BICRAL: variants seen among roughly 807,000 people sequenced by gnomAD.
BICRAL encodes BRD4-interacting chromatin-remodeling complex-associated protein-like.
A neutral mutation model predicts 91.8 loss-of-function variants in BICRAL; 8 were observed. That is an observed-to-expected ratio of 0.09 (90% confidence interval 0.05 to 0.16). The LOEUF is 0.16. Ranked by LOEUF, BICRAL falls within the 10% of genes least tolerant of loss-of-function variation. The pLI is 1.00. For synonymous variants in BICRAL, 445 were observed against 491.1 expected (o/e 0.91, Z 1.24); for missense variants, 1,038 against 1,310.9 (o/e 0.79, Z 3.21).
chr6:42,798,567 G>A (rs981759413), intron 1 of BICRAL, among the ~76,000 whole-genome samples: 1 of 152,058 alleles, frequency 6.6e-6, no homozygotes, highest in Non-Finnish European at 1.5e-5. Context: ...GTGGTGGCAG[G>A]CACCAGTAGT....
chr6:42,841,642 C>T (rs1324268157), intron 6 of BICRAL, among the ~76,000 whole-genome samples: 1 of 152,094 alleles, frequency 6.6e-6, no homozygotes, highest in African/African-American at 2.4e-5. Flanking sequence ...TCTTCTTCTC[C>T]TTCTATGCCT....
Position 42,865,102 on chromosome 6 carries a change from A to G in BICRAL, c.2896A>G (p.Met966Val). The change falls in exon 13 of 13, where the codon ATG (methionine) becomes GTG (valine). Residue 966 changes from methionine (M) to valine (V), a missense_variant. Met to Val is a conservative substitution (Grantham distance 21). Around this residue, in one of 5 missense-constraint regions of BICRAL, gnomAD observed 92 missense variants for 147.8 expected, o/e 0.62. Transcript: ENST00000314073. The part of the protein sequence containing the change: ...SSILADSHLE[M>V]TCNNSFQDKS... ...CATCCTAGCAGATTCGCACTTGGAG[A>G]TGACGTGTAACAATTCCTTCCAGGA... is the stretch of plus-strand genomic sequence containing the variant. The G allele has an allele frequency of 6.2e-7, 1 of 1,614,138 alleles. No homozygotes were observed. Among genetic ancestry groups the G allele is most frequent in the Non-Finnish European group, 8.5e-7 (1 of 1,179,996 alleles).
At chr6:42,847,017 A>G (rs371674838) in intron 6 of BICRAL, among the ~76,000 whole-genome samples, 1 of 152,182 alleles carries the variant, frequency 6.6e-6, no homozygotes, top group Non-Finnish European at 1.5e-5. Context: ...TAATCTCCGC[A>G]CTTAGAGGGG....
Position 42,828,857 on chromosome 6 carries a change from C to T in BICRAL, c.524C>T (p.Ala175Val). ...GGGGTGACGCATGTGCCTGTTGGAG[C>T]ATCGTTTGCAAGCAATACAGTGGGT... ...PIGVTHVPVG[A>V]SFASNTVGVQ... is the part of the protein sequence containing the mutation. Residue 175 changes from alanine (A) to valine (V), a missense_variant, in exon 6 of 13, where the codon GCA becomes GTA. Physicochemically the swap from Ala to Val is moderately conservative, Grantham distance 64 (BLOSUM62 0). Around this residue, in one of 5 missense-constraint regions of BICRAL, gnomAD observed 532 missense variants for 724.9 expected, o/e 0.73. Coordinates refer to ENST00000314073, the MANE Select transcript of BICRAL (RefSeq NM_001393499.1). 1 of 1,614,146 alleles carries T rather than the reference C, an allele frequency of 6.2e-7. No homozygotes were observed. Among genetic ancestry groups the T allele is most frequent in the South Asian group, 1.1e-5 (1 of 91,084 alleles).
Position 42,829,451 on chromosome 6 carries a change from T to A in BICRAL, c.1118T>A (p.Val373Asp). The A allele has an allele frequency of 6.2e-7, 1 of 1,614,200 alleles. No homozygotes were observed. Among genetic ancestry groups the A allele is most frequent in the African/African-American group, 1.3e-5 (1 of 75,060 alleles). ...IVNQQNTRKP[V>D]TSQAVSSTGG... ...AACCAACAGAACACAAGAAAGCCAG[T>A]CACCTCACAGGCAGTGAGCAGCACT... Residue 373 changes from valine (V) to aspartate (D), a missense_variant, in exon 6 of 13, where the codon GTC (valine) becomes GAC (aspartate). By Grantham distance (152) the Val-to-Asp change is radical (BLOSUM62 -3). Coordinates refer to ENST00000314073, the MANE Select transcript of BICRAL (RefSeq NM_001393499.1).
chr6:42,853,493 G>A, intron 7 of BICRAL, 145 bp from the exon 8 acceptor site: 1 of 616,102 alleles, frequency 1.6e-6, no homozygotes, highest in Non-Finnish European at 2.9e-6. Flanking sequence ...GCACTACCCT[G>A]CCCTCCTTCT....
At chr6:42,752,609 G>C (rs1762396542) in intron 1 of BICRAL, among the ~76,000 whole-genome samples, 2 of 151,626 alleles carry the variant, frequency 1.3e-5, no homozygotes, top group South Asian at 4.2e-4. Flanking sequence ...ACCGTGCCCA[G>C]CTAATTTTTT....
chr6:42,802,746 C>T, intron 1 of BICRAL, among the ~76,000 whole-genome samples: 1 of 151,588 alleles, frequency 6.6e-6, no homozygotes, highest in East Asian at 1.9e-4. Flanking sequence ...CGTGCCTGGC[C>T]TTTTTTTTGT....
At chr6:42,763,799 C>T (rs1762592118) in intron 1 of BICRAL, among the ~76,000 whole-genome samples, 2 of 149,736 alleles carry the variant, frequency 1.3e-5, no homozygotes, top group South Asian at 4.2e-4. Flanking sequence ...CCAGCCTGAG[C>T]AACAGAGTGA....
intron 5 of BICRAL, among the ~76,000 whole-genome samples, chr6:42,825,392 GTC>G (rs916542074): frequency 5.3e-5 from 8 of 150,200 alleles, no homozygotes; most frequent in African/African-American, 1.7e-4. Context: ...GTGAAACCCT[GTC>G]TCTACTAAAA....
chr6:42,762,886 C>A (rs1478111891), intron 1 of BICRAL, among the ~76,000 whole-genome samples: 1 of 151,718 alleles, frequency 6.6e-6, no homozygotes, highest in African/African-American at 2.4e-5. Context: ...GTGATCATAC[C>A]CACTGCACTC....
chr6:42,805,697 TGTGCTAAAGAGGACAAGGAACGG>T (rs1377730372), intron 1 of BICRAL, among the ~76,000 whole-genome samples: 3 of 151,994 alleles, frequency 2.0e-5, no homozygotes, highest in African/African-American at 4.8e-5. Flanking sequence ...TATGAGTCAG[TGTGCTAAAGAGGACAAGGAACGG>T]GCCAGGTGCG....
In BICRAL at chr6:42,771,287, C is replaced by G. The variant is rs1384170732; in HGVS notation, c.-260-10552C>G. 2.6e-5 allele frequency among the ~76,000 whole-genome samples: 4 copies of G among 152,212 alleles called. No individual in the cohort carries two copies. In the East Asian group the frequency reaches 7.7e-4, roughly 29 times the overall value. ...TCCCCCTGCGGGCCGCCGCTGCGCC[C>G]GTGCATCCGTCACAGGTACAATTCG... On this transcript the variant is annotated intron_variant, in intron 1 of 14. Transcript: ENST00000614467.
At chr6:42,860,420 G>C in intron 11 of BICRAL, 64 bp downstream of exon 11, 1 of 889,646 alleles carries the variant, frequency 1.1e-6, no homozygotes, top group Non-Finnish European at 1.9e-6. Flanking sequence ...CTAAATCAGA[G>C]ACAGAAAGGT....
chr6:42,809,608 G>A (rs1241139624), intron 1 of BICRAL, among the ~76,000 whole-genome samples: 1 of 151,154 alleles, frequency 6.6e-6, no homozygotes, highest in Non-Finnish European at 1.5e-5. Flanking sequence ...CCAAGTAGCT[G>A]GGACCACAGG....
Position 42,828,514 on chromosome 6 carries a change from C to T in BICRAL, c.181C>T (p.Leu61Phe), listed in dbSNP as rs781532438. The T allele has an allele frequency of 6.2e-7, 1 of 1,613,382 alleles. No individual in the cohort carries two copies. Among genetic ancestry groups the T allele is most frequent in the Non-Finnish European group, 8.5e-7 (1 of 1,179,526 alleles). ...TTAGAATGCTGATCCTAAGTCATCC[C>T]TCAAAGGTGTAAGCAACCAGCTTGG... ...NSSNADPKSS[L>F]KGVSNQLGEG... The change falls in exon 6 of 13, where the codon CTC (leucine) becomes TTC (phenylalanine). Residue 61 changes from leucine (L) to phenylalanine (F), a missense_variant. Leu to Phe is a conservative substitution (Grantham distance 22, BLOSUM62 0). This residue lies in a region of BICRAL where 115 missense variants were observed against 121.5 expected (regional missense o/e 0.95). Transcript: ENST00000314073.
At chr6:42,827,336 C>T (rs75164074) in intron 5 of BICRAL, among the ~76,000 whole-genome samples, 2,163 of 152,264 alleles carry the variant, frequency 0.014, 47 homozygotes, top group African/African-American at 0.05. Context: ...ATCTCTGCCA[C>T]AACACTGATC....
chr6:42,808,395 G>C (rs531672066), intron 1 of BICRAL, among the ~76,000 whole-genome samples: 1 of 152,294 alleles, frequency 6.6e-6, no homozygotes, highest in South Asian at 2.1e-4. Flanking sequence ...CTCCCAAAGT[G>C]CTGGGATTAC....
chr6:42,773,091 T>C (rs1208622283), intron 1 of BICRAL, among the ~76,000 whole-genome samples: 2 of 151,834 alleles, frequency 1.3e-5, no homozygotes, highest in Non-Finnish European at 2.9e-5. Flanking sequence ...ATTTTTTTTT[T>C]TTTTTGAGAC....
Sources: allele counts gnomAD v4.1 joint callset (sites outside exome capture counted in the v4.1 genomes callset), GRCh38; gene constraint gnomAD v4.1.1; regional missense constraint gnomAD v4.1.1; transcripts MANE v1.5; gene names NCBI Gene and HGNC (gene_info 2026-07-23, HGNC 2026-07-21).